Variants in ZNF469 observed in about 807,000 individuals in gnomAD.
ZNF469 encodes zinc finger protein 469.
In ZNF469, 1 loss-of-function variant was observed where a neutral mutation model predicts 1.0. That is an observed-to-expected ratio of 1.00 (90% CI 0.35 to 4.73). The LOEUF (loss-of-function observed/expected upper bound fraction) is 4.73, where lower values mean the gene tolerates loss of function less well. Ranked by LOEUF, ZNF469 falls within the 30% of genes most tolerant of loss-of-function variation. ZNF469 has a pLI of 0.16. For missense variants in ZNF469, 6,100 were observed against 5,356.3 expected (o/e 1.14, Z -4.33); for synonymous variants, 2,703 against 2,363.4 (o/e 1.14, Z -4.17).
rs560440805 is a variant in ZNF469 at position 88,388,819 on chromosome 16, G to A, written c.-192+5565G>A. On this transcript the variant is annotated intron_variant, in intron 1 of 2. Transcript: ENST00000565624. ...GGAAGCTGCCCCATCTGTAGAAGCCGGAGAGCCTGGTGCCAGGGCCAGTCT... is the reference window on the plus strand; with the variant it reads ...GGAAGCTGCCCCATCTGTAGAAGCCAGAGAGCCTGGTGCCAGGGCCAGTCT... Among the ~76,000 whole-genome samples, 22 of 151,974 alleles carry A rather than the reference G, an allele frequency of 1.4e-4. No homozygotes were observed. In the East Asian group the frequency reaches 2.5e-3, roughly 17 times the overall value.
intron 1 of ZNF469, among the ~76,000 whole-genome samples, chr16:88,389,954 G>A (rs892316508): frequency 3.9e-5 from 6 of 152,250 alleles, no homozygotes; most frequent in Non-Finnish European, 7.3e-5. Flanking sequence ...TGGTGAAGCC[G>A]CGAGTGAGGT....
chr16:88,342,674 G>A, the ZNF469 span, among the ~76,000 whole-genome samples: 2 of 152,224 alleles, frequency 1.3e-5, no homozygotes, highest in Admixed American at 6.5e-5. Context: ...GACAGACCAT[G>A]GGGGGACTGA....
At chr16:88,191,357 T>G in the ZNF469 span, 1 of 152,226 alleles carries the variant, frequency 6.6e-6, no homozygotes, top group Non-Finnish European at 1.5e-5. Flanking sequence ...CACCCTGCAG[T>G]TGGGTGGGTG....
In ZNF469 at chr16:88,437,452, G is replaced by T. The variant is rs1266363859; in HGVS notation, c.9982G>T (p.Val3328Leu). ...GGEPLLQATP[V>L]HEACKDPSRD... ...GGAGCCCCTCCTGCAAGCCACCCCG[G>T]TGCACGAGGCCTGCAAGGACCCCTC... The change falls in exon 3 of 3, where the codon GTG becomes TTG. Residue 3328 changes from valine to leucine, a missense_variant. Val to Leu is a conservative substitution (Grantham distance 32). Coordinates refer to ENST00000565624, the MANE Select transcript of ZNF469 (RefSeq NM_001367624.2). The T allele has an allele frequency of 1.3e-6, 2 of 1,528,632 alleles. No individual in the cohort carries two copies. Among genetic ancestry groups the T allele is most frequent in the South Asian group, 2.4e-5 (2 of 82,536 alleles). The allele number at this position is 1,528,632 out of a possible 1,614,324, so 94.7% of individuals were successfully genotyped here.
chr16:88,433,732 T>G lies in ZNF469; in HGVS notation c.6262T>G (p.Ser2088Ala), dbSNP rs1251435441. Residue 2088 changes from serine to alanine, a missense_variant, in exon 3 of 3, where the codon TCC becomes GCC. By Grantham distance (99) the Ser-to-Ala change is moderately conservative. Coordinates refer to ENST00000565624, the MANE Select transcript of ZNF469 (RefSeq NM_001367624.2). Reference protein sequence around the residue: ...GSEGRTPERASSPGLNKPLLA... With the variant: ...GSEGRTPERAASPGLNKPLLA... ...TGAGGGCCGGACTCCAGAGAGGGCG[T>G]CCAGCCCCGGCCTGAACAAGCCACT... The G allele has an allele frequency of 6.5e-7, 1 of 1,548,620 alleles. No individual in the cohort carries two copies. Among genetic ancestry groups the G allele is most frequent in the African/African-American group, 1.4e-5 (1 of 73,008 alleles).
chr16:88,399,261 C>G (rs1292854166), intron 1 of ZNF469, among the ~76,000 whole-genome samples: 1 of 152,226 alleles, frequency 6.6e-6, no homozygotes, highest in African/African-American at 2.4e-5. Context: ...GGCGAAGTCT[C>G]CAGACTCATA....
the ZNF469 span, among the ~76,000 whole-genome samples, chr16:88,194,002 A>G: frequency 6.6e-6 from 1 of 152,194 alleles, no homozygotes; most frequent in Non-Finnish European, 1.5e-5. Context: ...GATTTCAACA[A>G]ATGAATGTGG....
chr16:88,297,890 T>A, the ZNF469 span, among the ~76,000 whole-genome samples: 3 of 152,164 alleles, frequency 2.0e-5, no homozygotes, highest in African/African-American at 7.2e-5. Flanking sequence ...CAGGTGCCGG[T>A]GTGGCTTTTG....
At chr16:88,407,647 T>C (rs1449128000) in intron 1 of ZNF469, among the ~76,000 whole-genome samples, 1 of 152,238 alleles carries the variant, frequency 6.6e-6, no homozygotes, top group East Asian at 1.9e-4. Context: ...GGCTGGCATG[T>C]GGCAGAGCCT....
the ZNF469 span, among the ~76,000 whole-genome samples, chr16:88,359,866 A>G: frequency 6.6e-6 from 1 of 152,226 alleles, no homozygotes; most frequent in Non-Finnish European, 1.5e-5. Context: ...AGACCTTATC[A>G]TGTCTCTGTC....
the ZNF469 span, among the ~76,000 whole-genome samples, chr16:88,278,617 C>T: frequency 2.3e-5 from 3 of 132,874 alleles, 1 homozygote; most frequent in East Asian, 8.2e-4. Flanking sequence ...TCGGTCAGTA[C>T]CGTGTAGATA....
chr16:88,435,895 C>G lies in ZNF469; in HGVS notation c.8425C>G (p.Pro2809Ala), dbSNP rs794727257. ...PLGFPETSSS[P>A]ADSTTSSCLQ... ...GGGTTTTCCCGAGACTTCCAGCTCT[C>G]CGGCGGACAGCACCACCAGCAGCTG... The change falls in exon 3 of 3, where the codon CCG (proline) becomes GCG (alanine). Residue 2809 changes from proline (P) to alanine (A), a missense_variant. Pro to Ala is a conservative substitution (Grantham distance 27). Coordinates refer to ENST00000565624, the MANE Select transcript of ZNF469 (RefSeq NM_001367624.2). The G allele has an allele frequency of 2.8e-5, 44 of 1,550,166 alleles. No homozygotes were observed. Among genetic ancestry groups the G allele is most frequent in the Non-Finnish European group, 3.8e-5 (44 of 1,146,968 alleles).
chr16:88,239,332 A>G, the ZNF469 span, among the ~76,000 whole-genome samples: 1 of 152,146 alleles, frequency 6.6e-6, no homozygotes, highest in African/African-American at 2.4e-5. Context: ...AAGAAGATGA[A>G]GAAGATTCTT....
In ZNF469 at chr16:88,431,215, C is replaced by A. The variant is rs1368128425; in HGVS notation, c.3745C>A (p.Pro1249Thr). 1.3e-6 allele frequency: 2 copies of A among 1,550,282 alleles called. No individual in the cohort carries two copies. The highest frequency in any genetic ancestry group is 3.9e-5 in the Admixed American group (2 of 50,994). Residue 1249 changes from proline (P) to threonine (T), a missense_variant, in exon 3 of 3, where the codon CCA becomes ACA. By Grantham distance (38) the Pro-to-Thr change is conservative. Coordinates refer to ENST00000565624, the MANE Select transcript of ZNF469 (RefSeq NM_001367624.2). ...TEFTEALRSP[P>T]AACAGEMGAS... is the part of the protein sequence containing the mutation. Reference sequence around the variant, plus strand: ...ATTCACAGAGGCTTTGCGTTCTCCTCCAGCCGCCTGTGCGGGAGAAATGGG... The same window carrying A: ...ATTCACAGAGGCTTTGCGTTCTCCTACAGCCGCCTGTGCGGGAGAAATGGG...
the ZNF469 span, among the ~76,000 whole-genome samples, chr16:88,193,123 G>GTGA: frequency 4.7e-5 from 1 of 21,056 alleles, no homozygotes; most frequent in Non-Finnish European, 1.0e-4. Flanking sequence ...GGTGATGGTG[G>GTGA]TGGTGGTGAT....
chr16:88,246,621 C>A, the ZNF469 span, among the ~76,000 whole-genome samples: 2 of 152,196 alleles, frequency 1.3e-5, no homozygotes, highest in South Asian at 4.1e-4. Flanking sequence ...CAAAGTGAAG[C>A]CCAGGAATTT....
At chr16:88,174,430 C>G in the ZNF469 span, among the ~76,000 whole-genome samples, 1 of 151,464 alleles carries the variant, frequency 6.6e-6, no homozygotes, top group African/African-American at 2.4e-5. Context: ...TCAGATCAGT[C>G]AGAGTGTAAC....
chr16:88,310,149 G>A, the ZNF469 span, among the ~76,000 whole-genome samples: 1 of 152,172 alleles, frequency 6.6e-6, no homozygotes, highest in Non-Finnish European at 1.5e-5. Context: ...GGGGTCATCA[G>A]GTGGGACAGC....
At chr16:88,232,672 G>A in the ZNF469 span, among the ~76,000 whole-genome samples, 6 of 152,254 alleles carry the variant, frequency 3.9e-5, no homozygotes, top group Non-Finnish European at 8.8e-5. Flanking sequence ...CAAGAGGGTA[G>A]CTGCAGAGTG....
Sources: allele counts gnomAD v4.1 joint callset (sites outside exome capture counted in the v4.1 genomes callset), GRCh38; gene constraint gnomAD v4.1.1; transcripts MANE v1.5; gene names NCBI Gene and HGNC (gene_info 2026-07-23, HGNC 2026-07-21).